Variants in SRBD1 observed in about 807,000 individuals in gnomAD.
SRBD1 encodes the protein S1 RNA binding domain 1, also known as S1 RNA-binding domain-containing protein 1.
SRBD1 carries 88 observed loss-of-function variants against 115.3 expected under a neutral mutation model. That is an observed-to-expected ratio of 0.76 (90% CI 0.64 to 0.91). The LOEUF (loss-of-function observed/expected upper bound fraction) is 0.91, where lower values mean the gene tolerates loss of function less well. Among genes scored for constraint, SRBD1 ranks in the 40% least tolerant of loss-of-function variants. The pLI is 0.00. For synonymous variants in SRBD1, 509 were observed against 407.7 expected (o/e 1.25, Z -2.99); for missense variants, 1,385 against 1,177.4 (o/e 1.18, Z -2.58).
chr2:45,546,125 A>G (rs1672112564), intron 14 of SRBD1: 2 of 977,022 alleles, frequency 2.0e-6, no homozygotes, highest in Admixed American at 6.2e-5. Context: ...TGAGATCCAA[A>G]GAGGAAGTAG....
At chr2:45,454,371 C>T (rs984097658) in intron 16 of SRBD1, among the ~76,000 whole-genome samples, 1 of 151,666 alleles carries the variant, frequency 6.6e-6, no homozygotes, top group Non-Finnish European at 1.5e-5. Context: ...TTTAATTATT[C>T]CCTTTGTGAG....
At chr2:45,432,587 A>G (rs974979461) in intron 16 of SRBD1, among the ~76,000 whole-genome samples, 1 of 152,166 alleles carries the variant, frequency 6.6e-6, no homozygotes, top group Non-Finnish European at 1.5e-5. Context: ...GTTGTGACAC[A>G]TCACTCTACT....
At chr2:45,541,864 G>C (rs533483407) in intron 14 of SRBD1, among the ~76,000 whole-genome samples, 1 of 152,340 alleles carries the variant, frequency 6.6e-6, no homozygotes, top group East Asian at 1.9e-4. Flanking sequence ...CAGAAGGGAG[G>C]AATGCATGCT....
At chr2:45,438,149 T>C (rs1668557617) in intron 16 of SRBD1, among the ~76,000 whole-genome samples, 1 of 152,164 alleles carries the variant, frequency 6.6e-6, no homozygotes, top group Non-Finnish European at 1.5e-5. Flanking sequence ...TAGTTTTTGC[T>C]CTGTTGCGAA....
intron 4 of SRBD1, among the ~76,000 whole-genome samples, chr2:45,590,467 T>A (rs1327266763): frequency 6.6e-6 from 1 of 152,204 alleles, no homozygotes; most frequent in African/African-American, 2.4e-5. Context: ...CACCTTGATT[T>A]GTAATCCCCA....
Position 45,592,443 on chromosome 2 carries a change from G to C in SRBD1, c.649-6669C>G, listed in dbSNP as rs77277015. On this transcript the variant is annotated intron_variant, in intron 4 of 20. Transcript: ENST00000263736. ...TGGCCTATAAAGTCCTAGGATCAAAGTTAAACACCACACTTGACCTCAGTG... is the reference window on the plus strand; with the variant it reads ...TGGCCTATAAAGTCCTAGGATCAAACTTAAACACCACACTTGACCTCAGTG... Among the ~76,000 whole-genome samples, 1,046 of 152,244 alleles carry C rather than the reference G, an allele frequency of 6.9e-3. 13 individuals carry two copies. The highest frequency in any genetic ancestry group is 0.024 in the African/African-American group (997 of 41,536).
chr2:45,548,320 T>C (rs1021793502), intron 12 of SRBD1, among the ~76,000 whole-genome samples: 3 of 151,810 alleles, frequency 2.0e-5, no homozygotes, highest in East Asian at 3.8e-4. Context: ...AAAAACATAC[T>C]TTTAGCAATA....
At chr2:45,474,538 C>T (rs1488419875) in intron 16 of SRBD1, among the ~76,000 whole-genome samples, 3 of 152,220 alleles carry the variant, frequency 2.0e-5, no homozygotes, top group African/African-American at 4.8e-5. Context: ...AGCTTGGATT[C>T]ACAGTATACT....
chr2:45,504,891 G>T (rs1670751421), intron 14 of SRBD1, among the ~76,000 whole-genome samples: 1 of 152,092 alleles, frequency 6.6e-6, no homozygotes, highest in Non-Finnish European at 1.5e-5. Flanking sequence ...ATTTCCTCGT[G>T]AAGTCTTTAA....
chr2:45,587,128 TA>T (rs1673569009), intron 4 of SRBD1, among the ~76,000 whole-genome samples: 1 of 131,288 alleles, frequency 7.6e-6, no homozygotes, highest in African/African-American at 3.4e-5. Flanking sequence ...ATTATTAAAA[TA>T]TTTAAAATTT....
At chr2:45,389,984 CTT>C (rs201315742) in intron 20 of SRBD1, among the ~76,000 whole-genome samples, 1 of 150,976 alleles carries the variant, frequency 6.6e-6, no homozygotes, top group Non-Finnish European at 1.5e-5. Flanking sequence ...AGACTGGAAG[CTT>C]TTTTTTTGGT....
At chr2:45,555,241 T>A (rs2104072671) in intron 10 of SRBD1, among the ~76,000 whole-genome samples, 1 of 152,196 alleles carries the variant, frequency 6.6e-6, no homozygotes, top group Middle Eastern at 3.4e-3. Flanking sequence ...AAAATTTAGC[T>A]GGATGTGTTG....
At chr2:45,442,070 AACT>A (rs1328849476) in intron 16 of SRBD1, among the ~76,000 whole-genome samples, 1 of 152,242 alleles carries the variant, frequency 6.6e-6, no homozygotes, top group Non-Finnish European at 1.5e-5. Flanking sequence ...TTCAAACATG[AACT>A]AAAGTACAGC....
At chr2:45,602,339 C>T (rs1297717416) in intron 2 of SRBD1, among the ~76,000 whole-genome samples, 1 of 152,160 alleles carries the variant, frequency 6.6e-6, no homozygotes, top group Non-Finnish European at 1.5e-5. Flanking sequence ...AACTGACAAA[C>T]ACATACACAC....
At chr2:45,583,479 A>G (rs2104191033) in intron 5 of SRBD1, among the ~76,000 whole-genome samples, 1 of 152,312 alleles carries the variant, frequency 6.6e-6, no homozygotes, top group South Asian at 2.1e-4. Flanking sequence ...CATACTCTTT[A>G]ATTCACTTTT....
chr2:45,448,965 G>C (rs1035113448), intron 16 of SRBD1, among the ~76,000 whole-genome samples: 2 of 151,996 alleles, frequency 1.3e-5, no homozygotes, highest in Admixed American at 6.5e-5. Flanking sequence ...GGTTTTCCTA[G>C]GCATATTTTT....
In SRBD1 at chr2:45,420,089, T is replaced by C. The variant is rs145313246; in HGVS notation, c.2050-195A>G. 2.0e-3 allele frequency among the ~76,000 whole-genome samples: 310 copies of C among 152,332 alleles called. 2 individuals carry two copies. The highest frequency in any genetic ancestry group is 7.2e-3 in the African/African-American group (298 of 41,570). On this transcript the variant is annotated intron_variant, in intron 16 of 20. Transcript: ENST00000263736. Reference sequence around the variant, plus strand: ...TTCTTACTCTTTTAAGCTATGCATATATACCTAATTTGAATATAACAGTAC... The same window carrying C: ...TTCTTACTCTTTTAAGCTATGCATACATACCTAATTTGAATATAACAGTAC...
intron 14 of SRBD1, among the ~76,000 whole-genome samples, chr2:45,542,276 C>T (rs759291465): frequency 1.7e-4 from 26 of 152,264 alleles, no homozygotes; most frequent in Admixed American, 5.9e-4. Flanking sequence ...CACAACTTTG[C>T]TCTGTTCTGG....
chr2:45,556,682 C>T (rs1291730405), intron 10 of SRBD1, among the ~76,000 whole-genome samples: 2 of 151,960 alleles, frequency 1.3e-5, no homozygotes, highest in East Asian at 1.9e-4. Flanking sequence ...AGGCCAGTCT[C>T]GAACTGCTGA....
Sources: gnomAD v4.1 joint callset for allele counts (sites outside exome capture counted in the v4.1 genomes callset) on GRCh38, gnomAD v4.1.1 for gene constraint, MANE v1.5 for transcripts, NCBI Gene and HGNC (gene_info 2026-07-23, HGNC 2026-07-21) for gene names.